The following HTR7 variants were observed in gnomAD, a reference collection of about 807,000 sequenced individuals.
HTR7 encodes the protein 5-hydroxytryptamine receptor 7, also known as 5-HT-7.
HTR7 carries 16 observed loss-of-function variants against 34.0 expected under a neutral mutation model. The ratio of observed to expected loss-of-function variants is 0.47; its 90% CI spans 0.32 to 0.71. The LOEUF is 0.71. Among genes scored for constraint, HTR7 ranks in the 30% least tolerant of loss-of-function variants. The pLI, the probability that HTR7 is intolerant of heterozygous loss-of-function variation, is 0.04. For synonymous variants in HTR7, 265 were observed against 260.2 expected (o/e 1.02, Z -0.18); for missense variants, 504 against 625.5 (o/e 0.81, Z 2.07).
chr10:90,761,350 T>C (rs1228231495), intron 1 of HTR7, among the ~76,000 whole-genome samples: 2 of 152,264 alleles, frequency 1.3e-5, no homozygotes, highest in Admixed American at 6.5e-5. Flanking sequence ...GGACTGTTTC[T>C]ACCTTATCAC....
chr10:90,853,104 A>G (rs1179245825), intron 1 of HTR7, among the ~76,000 whole-genome samples: 1 of 152,068 alleles, frequency 6.6e-6, no homozygotes, highest in African/African-American at 2.4e-5. Flanking sequence ...TGATATATAT[A>G]CTACTGATTA....
At chr10:90,770,236 G>C (rs1465080180) in intron 1 of HTR7, among the ~76,000 whole-genome samples, 1 of 152,316 alleles carries the variant, frequency 6.6e-6, no homozygotes, top group East Asian at 1.9e-4. Flanking sequence ...AGGGAGCCAG[G>C]GATAAGAGGG....
rs111628523 is a variant in HTR7 at position 90,830,292 on chromosome 10, C to T, written c.539+26841G>A. Among the ~76,000 whole-genome samples the T allele has an allele frequency of 5.9e-5, 9 of 152,270 alleles. 2 individuals are homozygous for T. Among genetic ancestry groups the T allele is most frequent in the African/African-American group, 2.2e-4 (9 of 41,576 alleles). On this transcript the variant is annotated intron_variant, in intron 1 of 3. Coordinates refer to ENST00000336152, the MANE Select transcript of HTR7 (RefSeq NM_019859.4). ...TGAATACTCTGCAATTATTAAAGAACAAAAACCATTTACCTGAAGGCATTA... is the reference window on the plus strand; with the variant it reads ...TGAATACTCTGCAATTATTAAAGAATAAAAACCATTTACCTGAAGGCATTA...
intron 1 of HTR7, among the ~76,000 whole-genome samples, chr10:90,829,540 C>T (rs1053009067): frequency 1.5e-4 from 23 of 152,072 alleles, no homozygotes; most frequent in African/African-American, 5.5e-4. Flanking sequence ...CCTGACAGGC[C>T]CTGGTGTGTG....
At chr10:90,826,229 A>G (rs1159292460) in intron 1 of HTR7, among the ~76,000 whole-genome samples, 1 of 152,182 alleles carries the variant, frequency 6.6e-6, no homozygotes, top group Admixed American at 6.5e-5. Context: ...AAAAACTTTT[A>G]CCCTAGAATA....
At position 90,811,672 on chromosome 10, in the gene HTR7, GC is replaced by G. The variant is rs1298519258; in HGVS notation, c.539+45460del. Among the ~76,000 whole-genome samples, 3 of 151,894 alleles carry G rather than the reference GC, an allele frequency of 2.0e-5. No homozygotes were observed. In the East Asian group the frequency reaches 5.8e-4, roughly 29 times the overall value. ...CTACTACTCCTCAGGGATTATTCAG[GC>G]CCCCTCTCTTCCCTACACATCAAGT... On this transcript the variant is annotated intron_variant, in intron 1 of 3. Coordinates refer to ENST00000336152, the MANE Select transcript of HTR7 (RefSeq NM_019859.4).
Position 90,857,547 on chromosome 10 carries a change from C to T in HTR7, c.125G>A (p.Gly42Asp). 1 of 1,600,770 alleles carries T rather than the reference C, an allele frequency of 6.2e-7. No individual in the cohort carries two copies. Among genetic ancestry groups the T allele is most frequent in the Non-Finnish European group, 8.5e-7 (1 of 1,174,538 alleles). The part of the protein sequence containing the change: ...SPDGGADPVA[G>D]SWAPHLLSEV... ...GCTCAGCAGGTGCGGCGCCCAGGAG[C>T]CCGCGACCGGGTCGGCGCCACCGTC... The change falls in exon 1 of 4, where the codon GGC (glycine) becomes GAC (aspartate). Residue 42 changes from glycine (G) to aspartate (D), a missense_variant. Around this residue, in one of 4 missense-constraint regions of HTR7, gnomAD observed 139 missense variants for 117.1 expected, o/e 1.19. Transcript: ENST00000336152. The surrounding 1 kb of genome is among the most constrained non-coding windows in gnomAD (Gnocchi z 6.5).
intron 1 of HTR7, among the ~76,000 whole-genome samples, chr10:90,842,758 CTA>C (rs994270741): frequency 1.1e-4 from 16 of 151,568 alleles, no homozygotes; most frequent in African/African-American, 3.4e-4. Context: ...TTAATTTTGC[CTA>C]TGTTCTCACA....
chr10:90,742,697 CTT>C (rs1024893218), intron 3 of HTR7, among the ~76,000 whole-genome samples, 169 bp from the exon 4 acceptor site: 1 of 152,096 alleles, frequency 6.6e-6, no homozygotes, highest in African/African-American at 2.4e-5. Context: ...TGTTGTGACT[CTT>C]TTCATAAATT....
chr10:90,829,527 C>G (rs765867086), intron 1 of HTR7, among the ~76,000 whole-genome samples: 3 of 152,176 alleles, frequency 2.0e-5, no homozygotes, highest in South Asian at 2.1e-4. Context: ...CCTAGCCCCC[C>G]ACCCTGACAG....
At chr10:90,761,388 T>C (rs1039803943) in intron 1 of HTR7, among the ~76,000 whole-genome samples, 27 of 152,196 alleles carry the variant, frequency 1.8e-4, no homozygotes, top group African/African-American at 6.3e-4. Flanking sequence ...ACATATATAT[T>C]GTGAAATGAT....
intron 1 of HTR7, among the ~76,000 whole-genome samples, chr10:90,839,222 T>C (rs1846293237): frequency 6.6e-6 from 1 of 152,160 alleles, no homozygotes; most frequent in African/African-American, 2.4e-5. Flanking sequence ...AATCCTTTCA[T>C]CAGTATGAAA....
intron 1 of HTR7, among the ~76,000 whole-genome samples, chr10:90,802,254 G>A (rs1405648395): frequency 6.6e-6 from 1 of 152,204 alleles, no homozygotes; most frequent in Admixed American, 6.5e-5. Context: ...GGTCAGGCCA[G>A]CCAGCCAATC....
chr10:90,771,884 C>T (rs1438052460), intron 1 of HTR7, among the ~76,000 whole-genome samples: 7 of 151,696 alleles, frequency 4.6e-5, no homozygotes, highest in African/African-American at 1.7e-4. Context: ...AAATGACAAC[C>T]CAAAAATCCT....
intron 1 of HTR7, among the ~76,000 whole-genome samples, chr10:90,819,576 G>A (rs771932963): frequency 1.3e-5 from 2 of 152,078 alleles, no homozygotes; most frequent in African/African-American, 2.4e-5. Context: ...ATTGCCTCAC[G>A]AAGGCTTTGC....
At chr10:90,852,828 A>G (rs1020272499) in intron 1 of HTR7, among the ~76,000 whole-genome samples, 15 of 152,176 alleles carry the variant, frequency 9.9e-5, no homozygotes, top group African/African-American at 3.6e-4. Context: ...TGTCAGGACA[A>G]TGGTTCCCTT....
At chr10:90,777,903 C>G (rs1488328085) in intron 1 of HTR7, among the ~76,000 whole-genome samples, 1 of 152,198 alleles carries the variant, frequency 6.6e-6, no homozygotes, top group Non-Finnish European at 1.5e-5. Flanking sequence ...AATGCCACTT[C>G]CTTATCCACC....
intron 1 of HTR7, among the ~76,000 whole-genome samples, chr10:90,822,286 C>G (rs551186515): frequency 1.2e-4 from 19 of 152,142 alleles, no homozygotes; most frequent in Non-Finnish European, 1.9e-4. Flanking sequence ...AGATGAGGAA[C>G]TTATTAGGAA....
chr10:90,856,819 C>T (rs1237994553), intron 1 of HTR7, among the ~76,000 whole-genome samples: 1 of 152,156 alleles, frequency 6.6e-6, no homozygotes, highest in African/African-American at 2.4e-5. Context: ...GCACCAAATC[C>T]CTTCCTTCCA....
Sources: allele counts gnomAD v4.1 joint callset (sites outside exome capture counted in the v4.1 genomes callset), GRCh38; gene constraint gnomAD v4.1.1; regional missense constraint gnomAD v4.1.1; non-coding constraint Gnocchi (gnomAD v3.1); transcripts MANE v1.5; gene names NCBI Gene and HGNC (gene_info 2026-07-23, HGNC 2026-07-21).